The following RBFOX1 variants were observed in gnomAD, a reference collection of about 807,000 sequenced individuals.
RBFOX1 encodes RNA binding fox-1 homolog 1.
Under a neutral mutation model 57.7 loss-of-function variants are expected in RBFOX1, and 8 were observed. The ratio of observed to expected loss-of-function variants is 0.14; its 90% CI spans 0.08 to 0.25. The LOEUF is 0.25. Ranked by LOEUF, RBFOX1 falls within the 10% of genes least tolerant of loss-of-function variation. The pLI, the probability that RBFOX1 is intolerant of heterozygous loss-of-function variation, is 1.00. For missense variants in RBFOX1, 611 were observed against 548.5 expected, an observed-to-expected ratio of 1.11 and a Z score of -1.14; for synonymous variants, 326 against 222.4, an observed-to-expected ratio of 1.47 and a Z score of -4.15.
chr16:6,511,260 A>C (rs1203502925), intron 2 of RBFOX1, among the ~76,000 whole-genome samples: 1 of 152,200 alleles, frequency 6.6e-6, no homozygotes, highest in Non-Finnish European at 1.5e-5. Context: ...AAAGGGGTTC[A>C]CAGGAAATAG....
At chr16:7,311,731 C>G (rs530898206) in intron 4 of RBFOX1, among the ~76,000 whole-genome samples, 21 of 152,230 alleles carry the variant, frequency 1.4e-4, no homozygotes, top group African/African-American at 5.1e-4. Flanking sequence ...TCTCAAGTGT[C>G]TCACAAAATT....
At chr16:6,099,655 G>A (rs1436463515) in intron 1 of RBFOX1, among the ~76,000 whole-genome samples, 1 of 152,150 alleles carries the variant, frequency 6.6e-6, no homozygotes, top group African/African-American at 2.4e-5. Flanking sequence ...CTTTAGCATA[G>A]TACATTTTGT....
At chr16:6,416,205 G>A (rs2093620335) in intron 2 of RBFOX1, among the ~76,000 whole-genome samples, 1 of 152,144 alleles carries the variant, frequency 6.6e-6, no homozygotes, top group African/African-American at 2.4e-5. Context: ...GAAGGAGAAG[G>A]GCTCCTCTGT....
At chr16:7,581,157 T>C (rs1425507888) in intron 6 of RBFOX1, among the ~76,000 whole-genome samples, 1 of 152,184 alleles carries the variant, frequency 6.6e-6, no homozygotes, top group Non-Finnish European at 1.5e-5. Flanking sequence ...ATATTGAAGA[T>C]ACCCAGCTTT....
At chr16:7,492,961 C>G (rs2067409457) in intron 4 of RBFOX1, among the ~76,000 whole-genome samples, 1 of 152,156 alleles carries the variant, frequency 6.6e-6, no homozygotes, top group Non-Finnish European at 1.5e-5. Flanking sequence ...TCACTGCAAC[C>G]TCCGCCTCCC....
chr16:5,718,271 A>G (rs936388198), intron 3 of RBFOX1, among the ~76,000 whole-genome samples: 4 of 152,246 alleles, frequency 2.6e-5, no homozygotes, highest in African/African-American at 4.8e-5. Flanking sequence ...TGGAGCTTGC[A>G]TGAACCCAAT....
intron 3 of RBFOX1, among the ~76,000 whole-genome samples, chr16:6,842,068 G>C (rs140853923): frequency 2.6e-5 from 4 of 151,698 alleles, no homozygotes; most frequent in African/African-American, 9.7e-5. Flanking sequence ...GCGTGAACCC[G>C]GGAGGCGGAA....
chr16:7,473,343 A>G (rs1014850889), intron 4 of RBFOX1, among the ~76,000 whole-genome samples: 4 of 151,058 alleles, frequency 2.6e-5, no homozygotes, highest in African/African-American at 4.9e-5. Flanking sequence ...ACACCACTGC[A>G]CTAGAACCTG....
intron 4 of RBFOX1, among the ~76,000 whole-genome samples, chr16:5,995,492 T>C (rs956188300): frequency 6.6e-6 from 1 of 152,122 alleles, no homozygotes; most frequent in Non-Finnish European, 1.5e-5. Flanking sequence ...AATAAATCTT[T>C]TTAAGGATGA....
At chr16:6,424,085 A>C (rs2093852536) in intron 2 of RBFOX1, among the ~76,000 whole-genome samples, 1 of 152,154 alleles carries the variant, frequency 6.6e-6, no homozygotes, top group Admixed American at 6.5e-5. Flanking sequence ...TAAAAATAAC[A>C]AAAATCAGCC....
intron 3 of RBFOX1, among the ~76,000 whole-genome samples, chr16:6,978,378 G>A (rs1432765815): frequency 6.6e-6 from 1 of 152,154 alleles, no homozygotes; most frequent in East Asian, 1.9e-4. Flanking sequence ...TACTCATACA[G>A]ACGTCATGAG....
In RBFOX1 at chr16:7,579,822, C is replaced by G. The variant is rs752959582; in HGVS notation, c.316C>G (p.Pro106Ala). The change falls in exon 6 of 16, where the codon CCT becomes GCT. Residue 106 changes from proline to alanine, a missense_variant. Coordinates refer to ENST00000550418, the MANE Select transcript of RBFOX1 (RefSeq NM_018723.4). ...GACGGATGGCCAGCCCCAGACACAA[C>G]CTTCTGAAAACACGGAAAACAAGTC... The part of the protein sequence containing the change: ...APTDGQPQTQ[P>A]SENTENKSQP... 6 of 1,614,018 alleles carry G rather than the reference C, an allele frequency of 3.7e-6. No individual in the cohort carries two copies. The African/African-American group carries it at 5.3e-5, about 14-fold the overall frequency.
At chr16:5,818,684 G>C (rs2055735402) in intron 3 of RBFOX1, among the ~76,000 whole-genome samples, 1 of 152,218 alleles carries the variant, frequency 6.6e-6, no homozygotes, top group Non-Finnish European at 1.5e-5. Context: ...GAAGAAAACA[G>C]AGAGTCTTGA....
intron 3 of RBFOX1, among the ~76,000 whole-genome samples, chr16:6,693,425 T>C (rs1337664478): frequency 2.6e-5 from 3 of 116,602 alleles, no homozygotes; most frequent in South Asian, 2.8e-4. Context: ...CCACTATCAT[T>C]ATCAACATCC....
intron 1 of RBFOX1, among the ~76,000 whole-genome samples, chr16:5,284,919 T>G (rs1309386124): frequency 1.3e-5 from 2 of 152,008 alleles, no homozygotes; most frequent in African/African-American, 4.8e-5. Flanking sequence ...TTTTGACAGT[T>G]TTATCATAAT....
chr16:6,558,328 C>T (rs1358472674), intron 2 of RBFOX1, among the ~76,000 whole-genome samples: 2 of 152,172 alleles, frequency 1.3e-5, no homozygotes, highest in Non-Finnish European at 2.9e-5. Context: ...GTTGCCGCTG[C>T]TGCTGCTGCT....
chr16:6,065,591 A>G (rs1273572791), intron 1 of RBFOX1, among the ~76,000 whole-genome samples: 1 of 152,202 alleles, frequency 6.6e-6, no homozygotes, highest in African/African-American at 2.4e-5. Flanking sequence ...TAGCAGATAC[A>G]GAAACAAATC....
chr16:5,791,783 G>C (rs930341463), intron 3 of RBFOX1, among the ~76,000 whole-genome samples: 2 of 152,214 alleles, frequency 1.3e-5, no homozygotes, highest in African/African-American at 4.8e-5. Context: ...ATAAGCATAT[G>C]ACATGTTTGA....
intron 1 of RBFOX1, among the ~76,000 whole-genome samples, chr16:6,316,609 C>A (rs990039724): frequency 6.6e-6 from 1 of 152,158 alleles, no homozygotes; most frequent in East Asian, 1.9e-4. Context: ...ACCTTGAACA[C>A]CTCCTGTGAC....
Sources: gnomAD v4.1 joint callset for allele counts (sites outside exome capture counted in the v4.1 genomes callset) on GRCh38, gnomAD v4.1.1 for gene constraint, MANE v1.5 for transcripts, NCBI Gene and HGNC (gene_info 2026-07-23, HGNC 2026-07-21) for gene names.